The following SYNE1 variants were observed in gnomAD, a reference collection of about 807,000 sequenced individuals.
SYNE1 encodes spectrin repeat containing nuclear envelope protein 1.
A neutral mutation model predicts 1,111.0 loss-of-function variants in SYNE1; 616 were observed. That is an observed-to-expected ratio of 0.55 (90% CI 0.52 to 0.59). SYNE1 has a LOEUF of 0.59. Among genes scored for constraint, SYNE1 ranks in the 20% least tolerant of loss-of-function variants. SYNE1 has a pLI of 0.00. For missense variants in SYNE1, 10,006 were observed against 10,417.0 expected (o/e 0.96, Z 1.72); for synonymous variants, 3,855 against 3,825.8 (o/e 1.01, Z -0.28).
intron 3 of SYNE1, among the ~76,000 whole-genome samples, chr6:152,614,072 A>G (rs1019698351): frequency 6.6e-6 from 1 of 152,220 alleles, no homozygotes; most frequent in Non-Finnish European, 1.5e-5. Context: ...GGACATAGGC[A>G]TGGGCAAGGA....
intron 3 of SYNE1, among the ~76,000 whole-genome samples, chr6:152,615,421 T>G (rs562500181): frequency 2.5e-3 from 214 of 84,244 alleles, no homozygotes; most frequent in Non-Finnish European, 4.8e-3. Flanking sequence ...AATGTTGTCT[T>G]GAAACTATTT....
intron 145 of SYNE1, among the ~76,000 whole-genome samples, chr6:152,123,131 C>T (rs1287486009): frequency 6.6e-6 from 1 of 152,176 alleles, no homozygotes; most frequent in South Asian, 2.1e-4. Flanking sequence ...ATCTAGCCAT[C>T]CTGGATATGC....
At position 152,363,072 on chromosome 6, in the gene SYNE1, A is replaced by G. The variant is rs375223339; in HGVS notation, c.10146-749T>C. On this transcript the variant is annotated intron_variant, in intron 63 of 145. Coordinates refer to ENST00000367255, the MANE Select transcript of SYNE1 (RefSeq NM_182961.4). ...ATTTTTTTGTACTTTTGGTAGAGAC[A>G]GGGTTTCACTGTGTTAGCCAGGATG... Among the ~76,000 whole-genome samples the G allele has an allele frequency of 4.0e-4, 60 of 151,568 alleles. 1 individual carries two copies. Among genetic ancestry groups the G allele is most frequent in the East Asian group, 3.2e-3 (16 of 4,984 alleles).
chr6:152,470,505 C>T (rs1205430813), intron 16 of SYNE1, among the ~76,000 whole-genome samples: 1 of 152,126 alleles, frequency 6.6e-6, no homozygotes, highest in African/African-American at 2.4e-5. Context: ...ACAGATTTTG[C>T]ATTTTGGAAC....
intron 128 of SYNE1, among the ~76,000 whole-genome samples, chr6:152,188,697 G>A (rs912577245): frequency 7.2e-5 from 11 of 151,780 alleles, no homozygotes; most frequent in African/African-American, 2.4e-4. Flanking sequence ...GGTGGCTCAC[G>A]CCTGCAATCC....
chr6:152,278,501 C>A, intron 97 of SYNE1, among the ~76,000 whole-genome samples: 1 of 151,944 alleles, frequency 6.6e-6, no homozygotes, highest in East Asian at 1.9e-4. Flanking sequence ...CTCACTCTGT[C>A]GCCCAGGCTG....
At chr6:152,525,591 G>T (rs888123332) in intron 5 of SYNE1, among the ~76,000 whole-genome samples, 3 of 152,090 alleles carry the variant, frequency 2.0e-5, no homozygotes, top group Non-Finnish European at 4.4e-5. Context: ...CTCTGAACAG[G>T]CTGTTCTTGC....
chr6:152,624,204 C>G (rs1367529189), intron 3 of SYNE1, among the ~76,000 whole-genome samples: 2 of 152,076 alleles, frequency 1.3e-5, no homozygotes, highest in Admixed American at 6.6e-5. Context: ...TTTGTATATA[C>G]AACACCTAAG....
intron 130 of SYNE1, among the ~76,000 whole-genome samples, chr6:152,170,984 G>A (rs1448670715): frequency 6.6e-6 from 1 of 152,104 alleles, no homozygotes; most frequent in Non-Finnish European, 1.5e-5. Context: ...TTCCCCTTTT[G>A]CCTGGCTTTC....
chr6:152,386,247 T>G (rs1347193253), intron 54 of SYNE1, among the ~76,000 whole-genome samples: 7 of 152,042 alleles, frequency 4.6e-5, no homozygotes, highest in Non-Finnish European at 8.8e-5. Flanking sequence ...AGGAAGATAC[T>G]ATTATTATTA....
intron 128 of SYNE1, among the ~76,000 whole-genome samples, chr6:152,187,808 C>T (rs574712902): frequency 6.6e-6 from 1 of 152,158 alleles, no homozygotes; most frequent in Non-Finnish European, 1.5e-5. Context: ...TCACTGCAAC[C>T]TCCGGCTCCT....
intron 30 of SYNE1, among the ~76,000 whole-genome samples, 161 bp from the exon 31 acceptor site, chr6:152,442,406 C>T (rs995290567): frequency 6.6e-6 from 1 of 152,066 alleles, no homozygotes; most frequent in African/African-American, 2.4e-5. Context: ...CTATATTAGT[C>T]AAAGATGAAC....
intron 72 of SYNE1, among the ~76,000 whole-genome samples, chr6:152,347,853 T>G (rs911054569): frequency 2.6e-5 from 4 of 151,144 alleles, no homozygotes; most frequent in African/African-American, 9.7e-5. Flanking sequence ...GCTAATTTTT[T>G]TTTTTTTTTG....
In SYNE1 at chr6:152,130,212, T is replaced by C. The variant is rs532863126; in HGVS notation, c.26153+508A>G. The stretch of plus-strand genomic sequence containing the variant: ...AGAGAAGGTACTTATAAATTTCCAA[T>C]GAACACCAAATTAGGACTTGCCATT... On this transcript the variant is annotated intron_variant, in intron 145 of 145. Transcript: ENST00000367255. 2.3e-3 allele frequency among the ~76,000 whole-genome samples: 346 copies of C among 152,238 alleles called. 2 individuals are homozygous for C. Among genetic ancestry groups the C allele is most frequent in the Non-Finnish European group, 3.7e-3 (251 of 68,032 alleles).
chr6:152,438,905 G>T (rs1009561721), intron 32 of SYNE1, among the ~76,000 whole-genome samples: 1 of 152,146 alleles, frequency 6.6e-6, no homozygotes, highest in Non-Finnish European at 1.5e-5. Flanking sequence ...AAAAAATAAC[G>T]TAGTGACTAA....
Position 152,231,784 on chromosome 6 carries a change from A to ATGTGTGTG in SYNE1, c.20863-225_20863-218dup, listed in dbSNP as rs369191135. ...AACATAAACACAGATATACGTGTGT[A>ATGTGTGTG]TGTGTGTGTGTGTGTGTGTATATAT... On this transcript the variant is annotated intron_variant, in intron 113 of 145. Coordinates refer to ENST00000367255, the MANE Select transcript of SYNE1 (RefSeq NM_182961.4). Among the ~76,000 whole-genome samples, 886 of 148,938 alleles carry ATGTGTGTG rather than the reference A, an allele frequency of 5.9e-3. 9 individuals carry two copies. Among genetic ancestry groups the ATGTGTGTG allele is most frequent in the African/African-American group, 0.019 (784 of 40,438 alleles).
chr6:152,498,802 T>A lies in SYNE1; in HGVS notation c.889-10A>T. 1 of 1,453,940 alleles carries A rather than the reference T, an allele frequency of 6.9e-7. No individual in the cohort carries two copies. Among genetic ancestry groups the A allele is most frequent in the South Asian group, 1.3e-5 (1 of 76,122 alleles). 90.1% of individuals were successfully genotyped at this position (1,453,940 alleles called of 1,614,324 possible). ...AACCTGGAAGTATTTCCTAACAATA[T>A]GAAAAGATAATATATAGAAATATAA... On this transcript the variant is annotated splice_polypyrimidine_tract_variant and intron_variant, in intron 10 of 145. Transcript: ENST00000367255.
chr6:152,180,682 A>G, intron 128 of SYNE1, among the ~76,000 whole-genome samples: 1 of 152,130 alleles, frequency 6.6e-6, no homozygotes, highest in Non-Finnish European at 1.5e-5. Context: ...GGAAAGAAAG[A>G]AAAAAGGAAT....
rs761832943 is a variant in SYNE1, at chr6:152,455,635, C to T, written c.2728-45G>A. On this transcript the variant is annotated intron_variant, in intron 23 of 145. Coordinates refer to ENST00000367255, the MANE Select transcript of SYNE1 (RefSeq NM_182961.4). ...ATAATGTGATGCTGCTTTCTCATTA[C>T]TGAAAGGATCATTTTGTTAGAGGGT... 1.5e-5 allele frequency: 24 copies of T among 1,608,864 alleles called. No homozygotes were observed. In the South Asian group the frequency reaches 2.5e-4, roughly 17 times the overall value.
Sources: allele counts gnomAD v4.1 joint callset (sites outside exome capture counted in the v4.1 genomes callset), GRCh38; gene constraint gnomAD v4.1.1; transcripts MANE v1.5; gene names NCBI Gene and HGNC (gene_info 2026-07-23, HGNC 2026-07-21).